HS6ST3: variants seen among roughly 807,000 people sequenced by gnomAD.
The protein encoded by HS6ST3 is heparan-sulfate 6-O-sulfotransferase 3.
Under a neutral mutation model 36.7 loss-of-function variants are expected in HS6ST3, and 12 were observed. The ratio of observed to expected loss-of-function variants is 0.33; its 90% CI spans 0.21 to 0.53. The LOEUF (loss-of-function observed/expected upper bound fraction) is 0.53, where lower values mean the gene tolerates loss of function less well. Ranked by LOEUF, HS6ST3 falls within the 20% of genes least tolerant of loss-of-function variation. The probability of loss-of-function intolerance (pLI) is 0.95; values close to 1 mark genes in which losing one functional copy is unlikely to be tolerated. For synonymous variants in HS6ST3, 240 were observed against 257.5 expected (o/e 0.93, Z 0.65); for missense variants, 584 against 640.9 (o/e 0.91, Z 0.96).
At chr13:96,191,960 A>G (rs1566282677) in intron 1 of HS6ST3, among the ~76,000 whole-genome samples, 2 of 152,214 alleles carry the variant, frequency 1.3e-5, no homozygotes, top group African/African-American at 4.8e-5. Context: ...GTCAGAGAGC[A>G]TAGGCAGCTT....
chr13:96,501,860 A>G (rs2056005819), intron 1 of HS6ST3, among the ~76,000 whole-genome samples: 1 of 152,244 alleles, frequency 6.6e-6, no homozygotes, highest in Admixed American at 6.5e-5. Context: ...TTTGACATAT[A>G]CATACCACAA....
At chr13:96,769,399 A>C in intron 1 of HS6ST3, among the ~76,000 whole-genome samples, 2 of 146,996 alleles carry the variant, frequency 1.4e-5, no homozygotes, top group East Asian at 2.1e-4. Context: ...GCACCCACTA[A>C]CTCGTCATCT....
At chr13:96,164,556 GAA>G (rs1181401496) in intron 1 of HS6ST3, among the ~76,000 whole-genome samples, 11 of 132,132 alleles carry the variant, frequency 8.3e-5, no homozygotes, top group South Asian at 2.4e-4. Flanking sequence ...GACCCTGCCT[GAA>G]AAAAAAAAAA....
At chr13:96,331,880 G>A (rs922078845) in intron 1 of HS6ST3, among the ~76,000 whole-genome samples, 4 of 152,198 alleles carry the variant, frequency 2.6e-5, no homozygotes, top group Non-Finnish European at 5.9e-5. Context: ...ATATAATCTC[G>A]TGGTGCGCCG....
At chr13:96,762,879 T>C (rs911901005) in intron 1 of HS6ST3, among the ~76,000 whole-genome samples, 1 of 152,216 alleles carries the variant, frequency 6.6e-6, no homozygotes, top group African/African-American at 2.4e-5. Flanking sequence ...CTTTCTCTCC[T>C]TCATTGGTCT....
rs116939694 is a variant in HS6ST3 at position 96,702,225 on chromosome 13, G to T, written c.708-130265G>T. Among the ~76,000 whole-genome samples, 606 of 152,260 alleles carry T rather than the reference G, an allele frequency of 4.0e-3. 3 individuals carry two copies. The highest frequency in any genetic ancestry group is 7.4e-3 in the Non-Finnish European group (505 of 68,008). On this transcript the variant is annotated intron_variant, in intron 1 of 1. Transcript: ENST00000376705. ...ACAGATGTAGGAGAGGATTAAAGAGGATGTAGTCCACTCCCCTTATATCAA... is the reference window on the plus strand; with the variant it reads ...ACAGATGTAGGAGAGGATTAAAGAGTATGTAGTCCACTCCCCTTATATCAA...
chr13:96,808,449 T>G (rs971410321), intron 1 of HS6ST3, among the ~76,000 whole-genome samples: 3 of 152,238 alleles, frequency 2.0e-5, no homozygotes, highest in Non-Finnish European at 4.4e-5. Context: ...ACTGTTTCAT[T>G]GCTTAACTCT....
intron 1 of HS6ST3, among the ~76,000 whole-genome samples, chr13:96,200,787 C>G (rs2054338030): frequency 6.6e-6 from 1 of 152,152 alleles, no homozygotes; most frequent in African/African-American, 2.4e-5. Flanking sequence ...ACATCGTATT[C>G]AGAATGCCTC....
At chr13:96,521,351 C>G (rs1041631688) in intron 1 of HS6ST3, among the ~76,000 whole-genome samples, 38 of 152,058 alleles carry the variant, frequency 2.5e-4, no homozygotes, top group Non-Finnish European at 4.3e-4. Flanking sequence ...GTATTAGGAT[C>G]ATGCTGGCCT....
chr13:96,802,752 C>T (rs1188253706), intron 1 of HS6ST3, among the ~76,000 whole-genome samples: 1 of 152,180 alleles, frequency 6.6e-6, no homozygotes, highest in African/African-American at 2.4e-5. Context: ...GTAAATTCCC[C>T]TTGGATTCCC....
chr13:96,724,237 A>T (rs1426420212), intron 1 of HS6ST3, among the ~76,000 whole-genome samples: 1 of 152,232 alleles, frequency 6.6e-6, no homozygotes, highest in Non-Finnish European at 1.5e-5. Flanking sequence ...GAAAAAACTT[A>T]AAAAATGCAC....
rs1927806 is a variant in HS6ST3, at chr13:96,229,069, C to T, written c.707+137500C>T. Among the ~76,000 whole-genome samples the T allele has an allele frequency of 3.4e-3, 524 of 152,014 alleles. 5 individuals are homozygous for T. The highest frequency in any genetic ancestry group is 0.012 in the African/African-American group (502 of 41,438). On this transcript the variant is annotated intron_variant, in intron 1 of 1. Transcript: ENST00000376705. ...GTTATCATAAGGGAGCCAAAATGTC[C>T]CCCATTTCAAGATCTGGTTTTGCTC...
rs760406251 is a variant in HS6ST3 at position 96,091,041 on chromosome 13, C to A, written c.179C>A (p.Ala60Glu). ...AVPGPARRAQ[A>E]PPEEWERRPQ... ...CCGGGTCCCGCCCGCCGGGCTCAGG[C>A]GCCGCCGGAGGAGTGGGAGCGGCGG... Residue 60 changes from alanine (A) to glutamate (E), a missense_variant, in exon 1 of 2, where the codon GCG becomes GAG. Ala to Glu is a moderately radical substitution (Grantham distance 107). Transcript: ENST00000376705. 19 of 1,250,204 alleles carry A rather than the reference C, an allele frequency of 1.5e-5. No homozygotes were observed. The East Asian group carries it at 3.9e-4, about 25-fold the overall frequency. The allele number at this position is 1,250,204 out of a possible 1,614,324, so 77.4% of individuals were successfully genotyped here. A position where few individuals can be genotyped will look rare whatever the true frequency, so the allele number is the denominator to read the frequency against.
intron 1 of HS6ST3, among the ~76,000 whole-genome samples, chr13:96,499,706 C>T (rs1038980191): frequency 1.3e-5 from 2 of 151,972 alleles, no homozygotes; most frequent in Non-Finnish European, 1.5e-5. Flanking sequence ...GTGGCATGAG[C>T]GTGTGTGACC....
intron 1 of HS6ST3, among the ~76,000 whole-genome samples, chr13:96,685,086 G>T (rs1213162372): frequency 1.3e-5 from 2 of 152,018 alleles, no homozygotes; most frequent in South Asian, 2.1e-4. Flanking sequence ...GACCTGTTTG[G>T]CAGGGCCTGG....
chr13:96,666,823 C>A (rs923308729), intron 1 of HS6ST3, among the ~76,000 whole-genome samples: 2 of 152,048 alleles, frequency 1.3e-5, no homozygotes, highest in Non-Finnish European at 2.9e-5. Flanking sequence ...AGGTATTGCA[C>A]CTTGTTTTCA....
chr13:96,103,953 GTTT>G (rs58261240), intron 1 of HS6ST3, among the ~76,000 whole-genome samples: 3,835 of 145,506 alleles, frequency 0.026, 54 homozygotes, highest in Non-Finnish European at 0.034. Context: ...GGTTTGAGGT[GTTT>G]TTTTTTTTTT....
intron 1 of HS6ST3, among the ~76,000 whole-genome samples, chr13:96,806,820 A>G (rs908188516): frequency 2.0e-5 from 3 of 152,166 alleles, no homozygotes; most frequent in African/African-American, 7.2e-5. Flanking sequence ...ATATATTCTC[A>G]GATTTTGACA....
intron 1 of HS6ST3, among the ~76,000 whole-genome samples, chr13:96,352,645 A>G (rs1242618305): frequency 2.0e-5 from 3 of 152,222 alleles, no homozygotes; most frequent in Non-Finnish European, 2.9e-5. Flanking sequence ...TCTAGGAGTC[A>G]TAGGTCATTA....
Sources: allele counts gnomAD v4.1 joint callset (sites outside exome capture counted in the v4.1 genomes callset), GRCh38; gene constraint gnomAD v4.1.1; transcripts MANE v1.5; gene names NCBI Gene and HGNC (gene_info 2026-07-23, HGNC 2026-07-21).